CFAP61: variants seen among roughly 807,000 people sequenced by gnomAD.
CFAP61 encodes cilia- and flagella-associated protein 61.
A neutral mutation model predicts 135.6 loss-of-function variants in CFAP61; 107 were observed. That is an observed-to-expected ratio of 0.79 (90% CI 0.67 to 0.93). CFAP61 has a LOEUF of 0.93. Ranked by LOEUF, CFAP61 falls within the 40% of genes least tolerant of loss-of-function variation. The pLI is 0.00. For synonymous variants in CFAP61, 575 were observed against 578.5 expected, an observed-to-expected ratio of 0.99 and a Z score of 0.09; for missense variants, 1,507 against 1,556.2, an observed-to-expected ratio of 0.97 and a Z score of 0.53.
intron 8 of CFAP61, among the ~76,000 whole-genome samples, chr20:20,121,103 C>CTTTTTTTTTTTTTTTTTTT (rs869290856): frequency 1.8e-5 from 2 of 113,610 alleles, no homozygotes; most frequent in Non-Finnish European, 3.5e-5. Context: ...TTTATTTTTA[C>CTTTTTTTTTTTTTTTTTTT]TTTTTTTTTT....
chr20:20,179,084 A>G (rs1264330975), intron 13 of CFAP61, among the ~76,000 whole-genome samples: 1 of 152,194 alleles, frequency 6.6e-6, no homozygotes, highest in African/African-American at 2.4e-5. Flanking sequence ...GAGGAAGTCA[A>G]ACTATTCCTG....
chr20:20,056,578 T>C (rs1509573), intron 1 of CFAP61, 40 bp from the exon 2 acceptor site: 846,716 of 1,377,644 alleles, frequency 0.61, 263,905 homozygotes, highest in East Asian at 0.94. Flanking sequence ...CAGTTTTGTG[T>C]GTATTATAAC....
intron 24 of CFAP61, among the ~76,000 whole-genome samples, chr20:20,295,415 CTG>C (rs1438861893): frequency 6.6e-6 from 1 of 152,164 alleles, no homozygotes; most frequent in African/African-American, 2.4e-5. Flanking sequence ...GTGCCAGAGT[CTG>C]TGGTGCGTCC....
rs575424942 is a variant in CFAP61 at position 20,236,142 on chromosome 20, A to C, written c.2060+7766A>C. ...ATATTAAGTAACTGTTTCTATAAGC[A>C]ACAGATTGCAAAAGTTCCAGGCTCT... On this transcript the variant is annotated intron_variant, in intron 18 of 26. Transcript: ENST00000245957. Among the ~76,000 whole-genome samples, 5 of 152,316 alleles carry C rather than the reference A, an allele frequency of 3.3e-5. No individual in the cohort carries two copies. The East Asian group carries it at 9.6e-4, about 29-fold the overall frequency.
chr20:20,097,096 ATT>A lies in CFAP61; in HGVS notation c.700-1543_700-1542del, dbSNP rs3060424. 7.7e-3 allele frequency among the ~76,000 whole-genome samples: 1,138 copies of A among 147,370 alleles called. 15 individuals are homozygous for A. The highest frequency in any genetic ancestry group is 0.022 in the African/African-American group (896 of 40,174). ...GAGAACAAATAGTAGTTTAATACCTATTTTTTTTTTTTTTTTTGGTGTCATTT... is the reference window on the plus strand; with the variant it reads ...GAGAACAAATAGTAGTTTAATACCTATTTTTTTTTTTTTTTGGTGTCATTT... On this transcript the variant is annotated intron_variant, in intron 7 of 26. Coordinates refer to ENST00000245957, the MANE Select transcript of CFAP61 (RefSeq NM_015585.4).
chr20:20,274,960 G>C (rs907695949), intron 21 of CFAP61, among the ~76,000 whole-genome samples: 2 of 152,120 alleles, frequency 1.3e-5, no homozygotes, highest in African/African-American at 4.8e-5. Context: ...TGCACTGCTG[G>C]TCAGTAAATA....
chr20:20,189,019 A>T (rs1475371669), intron 14 of CFAP61, among the ~76,000 whole-genome samples: 2 of 152,186 alleles, frequency 1.3e-5, no homozygotes, highest in East Asian at 3.9e-4. Context: ...AGTCATCCAT[A>T]TTATAGCATG....
At chr20:20,286,015 CT>C (rs2054564899) in intron 22 of CFAP61, among the ~76,000 whole-genome samples, 2 of 61,172 alleles carry the variant, frequency 3.3e-5, no homozygotes, top group East Asian at 3.1e-4. Context: ...AAAAAGCAAA[CT>C]TAAAAAAAAA....
intron 24 of CFAP61, among the ~76,000 whole-genome samples, chr20:20,292,064 G>A (rs1052745873): frequency 6.6e-6 from 1 of 152,180 alleles, no homozygotes; most frequent in Non-Finnish European, 1.5e-5. Flanking sequence ...ATCCTTAAAT[G>A]GGGGCCTACT....
chr20:20,071,930 T>G (rs947098136), intron 3 of CFAP61, among the ~76,000 whole-genome samples: 2 of 152,024 alleles, frequency 1.3e-5, no homozygotes, highest in South Asian at 4.2e-4. Context: ...GCTTGCACCT[T>G]TGGTTGAGTA....
At chr20:20,358,220 GGTGGTCACACTGAGGGGAA>G (rs1255698435) in intron 26 of CFAP61, among the ~76,000 whole-genome samples, 14 of 149,434 alleles carry the variant, frequency 9.4e-5, no homozygotes, top group South Asian at 2.2e-4. Context: ...TGTGAGGGGA[GGTGGTCACACTGAGGGGAA>G]GTGGTCACAC....
chr20:20,306,622 T>G (rs2056491192), intron 25 of CFAP61, among the ~76,000 whole-genome samples: 1 of 152,128 alleles, frequency 6.6e-6, no homozygotes, highest in African/African-American at 2.4e-5. Context: ...AACATCAATC[T>G]GAAGTTGGGG....
intron 8 of CFAP61, among the ~76,000 whole-genome samples, chr20:20,109,100 C>T (rs559661432): frequency 6.6e-6 from 1 of 152,236 alleles, no homozygotes; most frequent in East Asian, 1.9e-4. Context: ...GATGTTTATT[C>T]ATGGTGAGAG....
chr20:20,066,157 C>T (rs1448174896), intron 2 of CFAP61, among the ~76,000 whole-genome samples: 4 of 152,092 alleles, frequency 2.6e-5, no homozygotes, highest in Non-Finnish European at 4.4e-5. Flanking sequence ...GAATGGCGAT[C>T]ATTAAAAAGT....
chr20:20,269,188 CATAT>C (rs376367660), intron 21 of CFAP61, among the ~76,000 whole-genome samples: 14 of 131,142 alleles, frequency 1.1e-4, no homozygotes, highest in African/African-American at 3.9e-4. Context: ...TATACACACA[CATAT>C]ATACATATAT....
intron 25 of CFAP61, among the ~76,000 whole-genome samples, chr20:20,341,360 A>ATG (rs1280398030): frequency 6.6e-6 from 1 of 152,230 alleles, no homozygotes; most frequent in African/African-American, 2.4e-5. Flanking sequence ...TTAAGCGTCG[A>ATG]TGCAACCGTG....
chr20:20,333,712 C>T (rs755118532), intron 25 of CFAP61, among the ~76,000 whole-genome samples: 27 of 152,320 alleles, frequency 1.8e-4, no homozygotes, highest in South Asian at 6.2e-4. Context: ...GCAGACAGAT[C>T]CTTCAGGTAA....
intron 16 of CFAP61, among the ~76,000 whole-genome samples, chr20:20,198,961 T>C (rs1472075802): frequency 6.6e-6 from 1 of 152,262 alleles, no homozygotes; most frequent in Non-Finnish European, 1.5e-5. Flanking sequence ...CAGATTTAAA[T>C]GGTTACGATG....
chr20:20,164,322 A>T (rs1453051634), intron 11 of CFAP61, 94 bp downstream of exon 11: 15 of 1,243,604 alleles, frequency 1.2e-5, no homozygotes, highest in Non-Finnish European at 1.7e-5. Flanking sequence ...GTAATTTCCA[A>T]ACCTGGCCCA....
Sources: allele counts gnomAD v4.1 joint callset (sites outside exome capture counted in the v4.1 genomes callset), GRCh38; gene constraint gnomAD v4.1.1; transcripts MANE v1.5; gene names NCBI Gene and HGNC (gene_info 2026-07-23, HGNC 2026-07-21).